The following HEXD variants were observed in gnomAD, a reference collection of about 807,000 sequenced individuals.
HEXD encodes the protein N-acetyl-beta-galactosaminidase.
Under a neutral mutation model 54.2 loss-of-function variants are expected in HEXD, and 47 were observed. That is an observed-to-expected ratio of 0.87 (90% CI 0.69 to 1.11). The LOEUF (loss-of-function observed/expected upper bound fraction) is 1.11. Ranked by LOEUF, HEXD falls within the 50% of genes least tolerant of loss-of-function variation. The pLI, the probability that HEXD is intolerant of heterozygous loss-of-function variation, is 0.00. For synonymous variants in HEXD, 293 were observed against 287.6 expected (o/e 1.02, Z -0.19); for missense variants, 576 against 649.2 (o/e 0.89, Z 1.23).
intron 1 of HEXD, among the ~76,000 whole-genome samples, chr17:82,419,114 A>G (rs2053155645): frequency 6.6e-6 from 1 of 152,204 alleles, no homozygotes; most frequent in Non-Finnish European, 1.5e-5. Context: ...GGAAAAATAA[A>G]TAAAAAATAC....
Position 82,442,339 on chromosome 17 carries a change from G to T in HEXD, c.1416G>T (p.Pro472=), listed in dbSNP as rs774339234. Residue 472 remains proline (P), a synonymous_variant, in exon 13 of 13, where the codon CCG becomes CCT. Transcript: ENST00000327949. The surrounding 1 kb of genome is among the most constrained non-coding windows in gnomAD (Gnocchi z 6.8). ...LQDLSEVSAP[P]LPPTSPGRDV... is the part of the protein sequence containing the mutation. ...ACCTCAGCGAGGTGTCTGCCCCCCC[G>T]CTGCCACCCACCAGCCCTGGCAGGG... 4 of 1,610,722 alleles carry T rather than the reference G, an allele frequency of 2.5e-6. No individual in the cohort carries two copies. The highest frequency in any genetic ancestry group is 3.4e-6 in the Non-Finnish European group (4 of 1,179,452).
In HEXD at chr17:82,436,672, G is replaced by A. The variant is rs779704451; in HGVS notation, c.637G>A (p.Gly213Arg). 15 of 1,610,190 alleles carry A rather than the reference G, an allele frequency of 9.3e-6. No individual in the cohort carries two copies. In the East Asian group the frequency reaches 1.1e-4, roughly 12 times the overall value. Residue 213 changes from glycine to arginine, a missense_variant, in exon 7 of 13, where the codon GGG becomes AGG. Physicochemically the swap from Gly to Arg is moderately radical, Grantham distance 125 (BLOSUM62 -2). Coordinates refer to ENST00000327949, the MANE Select transcript of HEXD (RefSeq NM_001330542.2). The stretch of plus-strand genomic sequence containing the variant: ...CACGTCCGCTCTGTCTGCAGCGTCC[G>A]GGGTGCCGCAGCTGGTGGAGCCGGT... ...DLPEDQLAAS[G>R]VPQLVEPVLW...
rs755706367 is a variant in HEXD at position 82,440,978 on chromosome 17, C to A, written c.983-19C>A. Reference sequence around the variant, plus strand: ...CCTCCAGAGGCCCCTCCAACCGCCCCGCTCATTTGTGATTTCAGGAGGATT... The same window carrying A: ...CCTCCAGAGGCCCCTCCAACCGCCCAGCTCATTTGTGATTTCAGGAGGATT... On this transcript the variant is annotated intron_variant, in intron 9 of 12. Transcript: ENST00000327949. 2.2e-5 allele frequency: 36 copies of A among 1,613,146 alleles called. No homozygotes were observed. In the South Asian group the frequency reaches 3.8e-4, roughly 17 times the overall value.
At chr17:82,419,614 A>T in intron 1 of HEXD, 135 bp from the exon 2 acceptor site, 1 of 498,170 alleles carries the variant, frequency 2.0e-6, no homozygotes. Context: ...GTTCATTTTC[A>T]TGTTAGCAAA....
At chr17:82,425,108 G>A (rs1298014998) in intron 3 of HEXD, among the ~76,000 whole-genome samples, 1 of 139,374 alleles carries the variant, frequency 7.2e-6, no homozygotes, top group Non-Finnish European at 1.5e-5. Flanking sequence ...AGAGAAGGCC[G>A]GAGGAGGCTG....
At chr17:82,433,849 CA>C in intron 5 of HEXD, 27 bp downstream of exon 5, 1 of 1,582,938 alleles carries the variant, frequency 6.3e-7, no homozygotes, top group Non-Finnish European at 8.6e-7. Flanking sequence ...CAGCTCTGTG[CA>C]GGACACTCTC....
At chr17:82,432,425 T>C (rs1375614145) in intron 4 of HEXD, among the ~76,000 whole-genome samples, 1 of 152,136 alleles carries the variant, frequency 6.6e-6, no homozygotes, top group Non-Finnish European at 1.5e-5. Flanking sequence ...GGGTGGGTTT[T>C]TAACCCAGCC....
At chr17:82,433,199 T>C (rs553054071) in intron 4 of HEXD, among the ~76,000 whole-genome samples, 1 of 143,800 alleles carries the variant, frequency 7.0e-6, no homozygotes, top group Non-Finnish European at 1.5e-5. Flanking sequence ...CCCAGCACTT[T>C]GGGAGGCCAA....
chr17:82,433,418 G>A (rs2053668599), intron 4 of HEXD, among the ~76,000 whole-genome samples: 1 of 152,026 alleles, frequency 6.6e-6, no homozygotes, highest in Non-Finnish European at 1.5e-5. Flanking sequence ...ACTCCAGCCT[G>A]GGCAACAAAG....
At chr17:82,440,644 C>T (rs1022218012) in intron 9 of HEXD, 11 of 353,492 alleles carry the variant, frequency 3.1e-5, no homozygotes, top group South Asian at 5.2e-5. Context: ...AATATTCCAT[C>T]GATTGTGTAA....
intron 4 of HEXD, among the ~76,000 whole-genome samples, chr17:82,431,948 A>C (rs1009226941): frequency 2.6e-5 from 4 of 152,222 alleles, no homozygotes; most frequent in African/African-American, 9.7e-5. Context: ...TTTTCTAGCA[A>C]ATGGCCTGCA....
At position 82,428,560 on chromosome 17, in the gene HEXD, C is replaced by T. The variant is rs748827499; in HGVS notation, c.197C>T (p.Pro66Leu). The change falls in exon 4 of 13, where the codon CCC becomes CTC. Residue 66 changes from proline to leucine, a missense_variant and splice_region_variant. By Grantham distance (98) the Pro-to-Leu change is moderately conservative (BLOSUM62 -3). Transcript: ENST00000327949. The stretch of plus-strand genomic sequence containing the variant: ...CTCTATGAATTTTGTCTCTCCAGCC[C>T]CTCTGAAATCAAAGAGATCTTGCAT... ...RLLRAKYAYS[P>L]SEIKEILHLA... The T allele has an allele frequency of 6.2e-7, 1 of 1,612,962 alleles. No homozygotes were observed. The highest frequency in any genetic ancestry group is 8.5e-7 in the Non-Finnish European group (1 of 1,179,064).
intron 2 of HEXD, 170 bp downstream of exon 2, chr17:82,420,053 C>CA: frequency 2.7e-6 from 1 of 364,628 alleles, no homozygotes. Context: ...TAGCCTCTCA[C>CA]AAAAACAGAA....
At chr17:82,439,768 A>G in intron 9 of HEXD, 55 bp downstream of exon 9, 2 of 1,597,814 alleles carry the variant, frequency 1.3e-6, no homozygotes, top group Non-Finnish European at 1.7e-6. Flanking sequence ...AAAGACCCGG[A>G]GGGCAGGAGG....
Position 82,418,606 on chromosome 17 carries a change from G to T in HEXD, c.-186G>T. On this transcript the variant is annotated 5_prime_UTR_variant, in exon 1 of 13. Transcript: ENST00000327949. ...GCGAGTGCGACGCGCTCGGCCATCG[G>T]CCCCTGGGCTGGCGGCCAGGCCCGA... is the stretch of plus-strand genomic sequence containing the variant. 2.5e-6 allele frequency: 1 copy of T among 403,446 alleles called. No homozygotes were observed. Among genetic ancestry groups the T allele is most frequent in the Non-Finnish European group, 3.9e-6 (1 of 257,110 alleles). The allele number at this position is 403,446 out of a possible 1,614,324, so 25.0% of individuals were successfully genotyped here.
chr17:82,424,049 C>T (rs1190719337), intron 2 of HEXD, among the ~76,000 whole-genome samples: 1 of 151,750 alleles, frequency 6.6e-6, no homozygotes, highest in Non-Finnish European at 1.5e-5. Flanking sequence ...CTTGCTGGTG[C>T]CCCTCAGCCT....
chr17:82,425,128 A>G (rs375362250), intron 3 of HEXD, among the ~76,000 whole-genome samples: 5 of 123,408 alleles, frequency 4.1e-5, no homozygotes, highest in South Asian at 2.6e-4. Flanking sequence ...GGAGGAGGCC[A>G]GAGAAGGCTG....
intron 4 of HEXD, among the ~76,000 whole-genome samples, 162 bp from the exon 5 acceptor site, chr17:82,433,496 C>T (rs992336870): frequency 1.3e-5 from 2 of 152,182 alleles, no homozygotes; most frequent in Admixed American, 1.3e-4. Flanking sequence ...ACATTCTACC[C>T]ACCTCAGCCC....
At chr17:82,440,458 TGAC>T (rs911870838) in intron 9 of HEXD, 2 of 577,280 alleles carry the variant, frequency 3.5e-6, no homozygotes, top group Middle Eastern at 7.1e-4. Flanking sequence ...GTGTTAATAT[TGAC>T]GGTATTTGCA....
Sources: gnomAD v4.1 joint callset for allele counts (sites outside exome capture counted in the v4.1 genomes callset) on GRCh38, gnomAD v4.1.1 for gene constraint, Gnocchi (gnomAD v3.1) non-coding constraint, MANE v1.5 for transcripts, NCBI Gene and HGNC (gene_info 2026-07-23, HGNC 2026-07-21) for gene names.